C6: variants seen among roughly 807,000 people sequenced by gnomAD.
C6 encodes complement C6.
Under a neutral mutation model 112.9 loss-of-function variants are expected in C6, and 101 were observed. The ratio of observed to expected loss-of-function variants is 0.89; its 90% CI spans 0.76 to 1.06. The LOEUF (loss-of-function observed/expected upper bound fraction) is 1.06, where lower values mean the gene tolerates loss of function less well. C6 is among the 50% of genes least tolerant of loss of function. C6 has a pLI of 0.00. For missense variants in C6, 1,202 were observed against 1,104.6 expected, an observed-to-expected ratio of 1.09 and a Z score of -1.25; for synonymous variants, 431 against 384.1, an observed-to-expected ratio of 1.12 and a Z score of -1.43.
At chr5:41,148,261 A>T (rs1746035048) in intron 17 of C6, among the ~76,000 whole-genome samples, 1 of 152,226 alleles carries the variant, frequency 6.6e-6, no homozygotes, top group Non-Finnish European at 1.5e-5. Context: ...AGACTTTTGC[A>T]GACATTGAGA....
chr5:41,211,991 G>C (rs755735928), intron 1 of C6, among the ~76,000 whole-genome samples: 1 of 151,984 alleles, frequency 6.6e-6, no homozygotes, highest in Non-Finnish European at 1.5e-5. Flanking sequence ...TATTCTGATC[G>C]CTCTTTAAGC....
At chr5:41,199,683 G>T (rs1341509559) in intron 4 of C6, 85 bp downstream of exon 4, 2 of 1,302,510 alleles carry the variant, frequency 1.5e-6, no homozygotes, top group Non-Finnish European at 2.2e-6. Flanking sequence ...CTCTGTGATG[G>T]ATTCTACTGT....
intron 1 of C6, among the ~76,000 whole-genome samples, chr5:41,253,694 T>G (rs538343120): frequency 6.6e-6 from 1 of 152,342 alleles, no homozygotes; most frequent in Admixed American, 6.5e-5. Flanking sequence ...TTGTTACGCT[T>G]TCTTGATCCA....
intron 3 of C6, 64 bp downstream of exon 3, chr5:41,201,494 C>T (rs1751026461): frequency 6.8e-7 from 1 of 1,463,328 alleles, no homozygotes; most frequent in South Asian, 1.1e-5. Flanking sequence ...GCTGTTAAGC[C>T]TGTCAGGGAA....
intron 9 of C6, 144 bp downstream of exon 9, chr5:41,172,081 C>A: frequency 2.4e-6 from 2 of 835,506 alleles, no homozygotes; most frequent in Non-Finnish European, 2.0e-6. Context: ...TATTTGTATC[C>A]CCTATTCCAA....
intron 17 of C6, among the ~76,000 whole-genome samples, chr5:41,144,395 G>A (rs1234859190): frequency 6.6e-6 from 1 of 152,006 alleles, no homozygotes; most frequent in East Asian, 1.9e-4. Flanking sequence ...AGCCACCCAA[G>A]TAGCTGGGAC....
chr5:41,208,392 GAA>G (rs1172221523), intron 1 of C6, among the ~76,000 whole-genome samples: 2 of 152,006 alleles, frequency 1.3e-5, no homozygotes, highest in African/African-American at 4.8e-5. Context: ...GAAGGACATA[GAA>G]ACACAAAAAA....
intron 1 of C6, among the ~76,000 whole-genome samples, chr5:41,230,440 T>C (rs1032342100): frequency 6.6e-6 from 1 of 152,114 alleles, no homozygotes; most frequent in Non-Finnish European, 1.5e-5. Context: ...CTGTCTTAAG[T>C]GGTTGAGATA....
chr5:41,171,386 C>T lies in C6; in HGVS notation c.1291+839G>A, dbSNP rs1286245952. On this transcript the variant is annotated intron_variant, in intron 9 of 17. Coordinates refer to ENST00000337836, the MANE Select transcript of C6 (RefSeq NM_000065.5). ...CACTCTGCAAGGCTCCTTATAAACA[C>T]CATGTCACTTAGTCTTCACAACAGT... 7.2e-5 allele frequency among the ~76,000 whole-genome samples: 11 copies of T among 152,206 alleles called. 1 individual carries two copies. In the South Asian group the frequency reaches 2.1e-3, roughly 29 times the overall value.
At chr5:41,164,786 T>G (rs938001255) in intron 9 of C6, among the ~76,000 whole-genome samples, 1 of 152,188 alleles carries the variant, frequency 6.6e-6, no homozygotes, top group Non-Finnish European at 1.5e-5. Flanking sequence ...CTCAGTTTCC[T>G]AAGTTGCCCT....
At chr5:41,158,982 T>C (rs1186179190) in intron 12 of C6, 100 bp downstream of exon 12, 3 of 1,413,334 alleles carry the variant, frequency 2.1e-6, no homozygotes, top group Non-Finnish European at 3.0e-6. Flanking sequence ...AAAGTTCTAA[T>C]TATTTCTTTA....
chr5:41,232,279 A>T (rs1053066076), intron 1 of C6, among the ~76,000 whole-genome samples: 1 of 151,992 alleles, frequency 6.6e-6, no homozygotes, highest in Non-Finnish European at 1.5e-5. Flanking sequence ...AGTAGCCCTT[A>T]CTCACTTCTG....
chr5:41,202,768 C>T (rs527924989), intron 2 of C6, among the ~76,000 whole-genome samples: 18 of 152,264 alleles, frequency 1.2e-4, no homozygotes, highest in African/African-American at 4.3e-4. Context: ...CTATAATTAA[C>T]TCACTAACTA....
chr5:41,256,754 C>T (rs1439383480), intron 1 of C6, among the ~76,000 whole-genome samples: 2 of 152,146 alleles, frequency 1.3e-5, no homozygotes, highest in Admixed American at 1.3e-4. Context: ...ATATCTGTAC[C>T]TTACGAGCAG....
intron 1 of C6, among the ~76,000 whole-genome samples, chr5:41,222,597 T>C (rs1739250118): frequency 6.6e-6 from 1 of 152,162 alleles, no homozygotes; most frequent in African/African-American, 2.4e-5. Flanking sequence ...AGAGTTAATT[T>C]AAACAATTGC....
intron 15 of C6, among the ~76,000 whole-genome samples, chr5:41,152,537 A>T (rs1354646438): frequency 1.3e-5 from 2 of 152,306 alleles, no homozygotes; most frequent in East Asian, 3.9e-4. Context: ...TATCAAGTAG[A>T]AGGTTTGATA....
chr5:41,169,762 C>G (rs1748275443), intron 9 of C6, among the ~76,000 whole-genome samples: 1 of 152,080 alleles, frequency 6.6e-6, no homozygotes, highest in African/African-American at 2.4e-5. Context: ...ATCACGAGAA[C>G]AGCAGGGAGG....
At chr5:41,150,812 G>T (rs960574894) in intron 15 of C6, among the ~76,000 whole-genome samples, 1 of 151,838 alleles carries the variant, frequency 6.6e-6, no homozygotes, top group Non-Finnish European at 1.5e-5. Flanking sequence ...ACTTGAACCC[G>T]GGAGGCAGAG....
intron 8 of C6, among the ~76,000 whole-genome samples, chr5:41,175,633 C>A (rs1748777650): frequency 6.6e-6 from 1 of 152,184 alleles, no homozygotes. Flanking sequence ...GGGCTCTGCT[C>A]TGAATGCATG....
Sources: allele counts gnomAD v4.1 joint callset (sites outside exome capture counted in the v4.1 genomes callset), GRCh38; gene constraint gnomAD v4.1.1; transcripts MANE v1.5; gene names NCBI Gene and HGNC (gene_info 2026-07-23, HGNC 2026-07-21).